Variants in MAGI2 observed in about 807,000 individuals in gnomAD.
MAGI2 encodes membrane-associated guanylate kinase, WW and PDZ domain-containing protein 2.
In MAGI2, 35 loss-of-function variants were observed where a neutral mutation model predicts 133.3. That is an observed-to-expected ratio of 0.26 (90% confidence interval 0.20 to 0.35). The LOEUF (loss-of-function observed/expected upper bound fraction) is 0.35. Ranked by LOEUF, MAGI2 falls within the 10% of genes least tolerant of loss-of-function variation. The pLI is 1.00. For missense variants in MAGI2, 1,636 were observed against 1,863.4 expected, an observed-to-expected ratio of 0.88 and a Z score of 2.25; for synonymous variants, 729 against 710.6, an observed-to-expected ratio of 1.03 and a Z score of -0.41.
intron 16 of MAGI2, among the ~76,000 whole-genome samples, chr7:78,145,003 A>G (rs2150567255): frequency 6.6e-6 from 1 of 152,004 alleles, no homozygotes; most frequent in South Asian, 2.1e-4. Flanking sequence ...GTTCCTGCTG[A>G]TTCACTCTTT....
chr7:78,276,467 T>A (rs1263626630), intron 9 of MAGI2, among the ~76,000 whole-genome samples: 4 of 152,110 alleles, frequency 2.6e-5, no homozygotes, highest in African/African-American at 7.2e-5. Flanking sequence ...AATTTTATTT[T>A]TTTTTTCCCC....
At chr7:79,033,713 T>C (rs1810831101) in intron 1 of MAGI2, among the ~76,000 whole-genome samples, 1 of 152,194 alleles carries the variant, frequency 6.6e-6, no homozygotes, top group Non-Finnish European at 1.5e-5. Context: ...TGTTATTACA[T>C]GAACAAAGCA....
chr7:78,127,075 A>G (rs1005695300), intron 19 of MAGI2, 122 bp downstream of exon 19: 7 of 705,436 alleles, frequency 9.9e-6, no homozygotes, highest in African/African-American at 1.8e-5. Flanking sequence ...TACCAGAACT[A>G]GGAATAGAAC....
intron 2 of MAGI2, among the ~76,000 whole-genome samples, chr7:78,904,669 A>G (rs1447991357): frequency 5.3e-5 from 8 of 151,820 alleles, no homozygotes; most frequent in Non-Finnish European, 1.2e-4. Context: ...CGCCCAACTA[A>G]TTTTTGTATT....
chr7:78,690,415 T>C (rs321995), intron 2 of MAGI2, among the ~76,000 whole-genome samples: 119,632 of 151,892 alleles, frequency 0.79, 47,485 homozygotes, highest in East Asian at 0.97. Flanking sequence ...GCTCCCTGCT[T>C]AACTGTCATC....
At chr7:78,888,271 C>T (rs555969136) in intron 2 of MAGI2, among the ~76,000 whole-genome samples, 2 of 152,334 alleles carry the variant, frequency 1.3e-5, no homozygotes, top group South Asian at 2.1e-4. Context: ...CTCAAGGAGG[C>T]CTGCCTGCCT....
chr7:78,714,866 G>A (rs770408571), intron 2 of MAGI2, among the ~76,000 whole-genome samples: 2 of 152,158 alleles, frequency 1.3e-5, no homozygotes, highest in Non-Finnish European at 2.9e-5. Context: ...TGAAACCCAA[G>A]AGGGAATGGC....
At chr7:78,132,834 C>T (rs1028012021) in intron 18 of MAGI2, 55 bp downstream of exon 18, 12 of 1,613,346 alleles carry the variant, frequency 7.4e-6, no homozygotes, top group African/African-American at 1.3e-5. Flanking sequence ...CAAATACTCC[C>T]TCCTTTCCCC....
At chr7:78,893,750 T>A (rs1470347165) in intron 2 of MAGI2, among the ~76,000 whole-genome samples, 1 of 151,974 alleles carries the variant, frequency 6.6e-6, no homozygotes, top group Non-Finnish European at 1.5e-5. Context: ...GGGGGAGGGA[T>A]AGCATTAGGA....
intron 10 of MAGI2, among the ~76,000 whole-genome samples, chr7:78,205,287 A>G (rs1829629176): frequency 6.6e-6 from 1 of 152,076 alleles, no homozygotes; most frequent in South Asian, 2.1e-4. Context: ...ATCTGCCACC[A>G]CACCCAGCTA....
At chr7:78,895,051 C>T (rs1014974476) in intron 2 of MAGI2, among the ~76,000 whole-genome samples, 5 of 152,166 alleles carry the variant, frequency 3.3e-5, no homozygotes, top group Admixed American at 2.6e-4. Context: ...AGTTATGAGG[C>T]CTCATGAATG....
intron 1 of MAGI2, among the ~76,000 whole-genome samples, chr7:79,240,344 T>C (rs1202205065): frequency 3.6e-5 from 5 of 139,198 alleles, no homozygotes; most frequent in Middle Eastern, 3.8e-3. Flanking sequence ...GAGAAAGTGG[T>C]GGTTTATCAG....
chr7:78,654,200 T>C (rs964776199), intron 2 of MAGI2, among the ~76,000 whole-genome samples: 5 of 152,178 alleles, frequency 3.3e-5, no homozygotes, highest in African/African-American at 1.2e-4. Context: ...TATCACTTAC[T>C]AGCTGGGCAA....
intron 21 of MAGI2, among the ~76,000 whole-genome samples, chr7:78,034,291 C>T (rs1041988779): frequency 2.0e-5 from 3 of 152,052 alleles, no homozygotes; most frequent in Non-Finnish European, 2.9e-5. Context: ...ACGAAAGGTG[C>T]TACAGAAGCA....
intron 2 of MAGI2, among the ~76,000 whole-genome samples, chr7:78,628,018 A>C (rs1025332084): frequency 1.3e-5 from 2 of 152,104 alleles, no homozygotes; most frequent in African/African-American, 2.4e-5. Context: ...TCCATCACCC[A>C]CAGAGGGAAT....
intron 3 of MAGI2, among the ~76,000 whole-genome samples, chr7:78,600,064 C>CT (rs35558682): frequency 1.3e-5 from 2 of 152,028 alleles, no homozygotes; most frequent in African/African-American, 2.4e-5. Flanking sequence ...TGTTCTTGGT[C>CT]TTTTTTTCTT....
intron 3 of MAGI2, among the ~76,000 whole-genome samples, chr7:78,525,029 T>C (rs995741008): frequency 1.3e-5 from 2 of 152,126 alleles, no homozygotes; most frequent in Admixed American, 6.5e-5. Flanking sequence ...CATAAATGCA[T>C]AGCACAGGCT....
At chr7:78,752,431 C>T (rs574059510) in intron 2 of MAGI2, among the ~76,000 whole-genome samples, 12 of 151,990 alleles carry the variant, frequency 7.9e-5, no homozygotes, top group Admixed American at 2.0e-4. Context: ...GGTGAAACCC[C>T]GTCACTACTA....
At chr7:78,854,851 C>T (rs1322495610) in intron 2 of MAGI2, among the ~76,000 whole-genome samples, 1 of 101,208 alleles carries the variant, frequency 9.9e-6, no homozygotes, top group Non-Finnish European at 2.3e-5. Context: ...ACTAGTGATG[C>T]ATTACTCTTT....
Sources: gnomAD v4.1 joint callset for allele counts (sites outside exome capture counted in the v4.1 genomes callset) on GRCh38, gnomAD v4.1.1 for gene constraint, MANE v1.5 for transcripts, NCBI Gene and HGNC (gene_info 2026-07-23, HGNC 2026-07-21) for gene names.